The following CELSR3 variants were observed in gnomAD, a reference collection of about 807,000 sequenced individuals.
CELSR3 encodes the protein EGF-like protein 1.
In CELSR3, 73 loss-of-function variants were observed where a neutral mutation model predicts 270.0. That is an observed-to-expected ratio of 0.27 (90% CI 0.22 to 0.33). The LOEUF (loss-of-function observed/expected upper bound fraction) is 0.33. Among genes scored for constraint, CELSR3 ranks in the 10% least tolerant of loss-of-function variants. The pLI, the probability that CELSR3 is intolerant of heterozygous loss-of-function variation, is 1.00. For missense variants in CELSR3, 3,614 were observed against 4,533.8 expected (o/e 0.80, Z 5.83); for synonymous variants, 1,780 against 1,905.4 (o/e 0.93, Z 1.71).
At position 48,645,423 on chromosome 3, in the gene CELSR3, C is replaced by A; in HGVS notation, c.7797+20G>T. Reference sequence around the variant, plus strand: ...CAGTAGGGTCATCAGGACACAAGTTCCCTGGCCCTGATCCTGCACCTGATT... The same window carrying A: ...CAGTAGGGTCATCAGGACACAAGTTACCTGGCCCTGATCCTGCACCTGATT... On this transcript the variant is annotated intron_variant, in intron 24 of 34. Transcript: ENST00000164024. The surrounding 1 kb of genome is among the most constrained non-coding windows in gnomAD (Gnocchi z 5.4). 6.2e-7 allele frequency: 1 copy of A among 1,612,746 alleles called. No homozygotes were observed. Among genetic ancestry groups the A allele is most frequent in the Non-Finnish European group, 8.5e-7 (1 of 1,179,874 alleles).
chr3:48,644,965 G>C lies in CELSR3; in HGVS notation c.7972+70C>G, dbSNP rs2047065632. On this transcript the variant is annotated intron_variant, in intron 25 of 34. Coordinates refer to ENST00000164024, the MANE Select transcript of CELSR3 (RefSeq NM_001407.3). The surrounding 1 kb of genome is among the most constrained non-coding windows in gnomAD (Gnocchi z 4.8). ...CTTGGGGTTTGAGGTTGGGGGTCAT[G>C]AGCAGGAGTGGGGACAGGGTCAGGG... 3.2e-6 allele frequency: 5 copies of C among 1,544,062 alleles called. No individual in the cohort carries two copies. The South Asian group carries it at 6.0e-5, about 19-fold the overall frequency.
chr3:48,648,892 T>C lies in CELSR3; in HGVS notation c.6604A>G (p.Thr2202Ala). Reference protein sequence around the residue: ...GLELNKTALDTMEAKKLAQRL... With the variant: ...GLELNKTALDAMEAKKLAQRL... Reference sequence around the variant, plus strand: ...TGAGCCAGCTTCTTGGCCTCCATGGTATCCAGTGCCGTCTTGTTCAGCTCT... The same window carrying C: ...TGAGCCAGCTTCTTGGCCTCCATGGCATCCAGTGCCGTCTTGTTCAGCTCT... The change falls in exon 18 of 35, where the codon ACC (threonine) becomes GCC (alanine). Residue 2202 changes from threonine (T) to alanine (A), a missense_variant. Physicochemically the swap from Thr to Ala is moderately conservative, Grantham distance 58. Around this residue, in one of 7 missense-constraint regions of CELSR3, gnomAD observed 1,331 missense variants for 1,933.7 expected, o/e 0.69. Coordinates refer to ENST00000164024, the MANE Select transcript of CELSR3 (RefSeq NM_001407.3). 6.2e-7 allele frequency: 1 copy of C among 1,612,866 alleles called. No individual in the cohort carries two copies. The highest frequency in any genetic ancestry group is 1.3e-5 in the African/African-American group (1 of 75,064).
Position 48,644,672 on chromosome 3 carries a change from G to T in CELSR3, c.8085+44C>A. On this transcript the variant is annotated intron_variant, in intron 26 of 34. Coordinates refer to ENST00000164024, the MANE Select transcript of CELSR3 (RefSeq NM_001407.3). This position sits in a 1 kb window ranked among gnomAD's most constrained non-coding sequence, Gnocchi z 4.8. ...AGTCCACTGCACCTCCTCCCCCAAT[G>T]AGGGAGGGAAGTACAGAGGGGGCAC... The T allele has an allele frequency of 6.7e-7, 1 of 1,483,478 alleles. No individual in the cohort carries two copies. The highest frequency in any genetic ancestry group is 1.1e-5 in the South Asian group (1 of 88,016). The allele number at this position is 1,483,478 out of a possible 1,614,324, so 91.9% of individuals were successfully genotyped here.
chr3:48,651,117 G>T lies in CELSR3; in HGVS notation c.6187-42C>A. 6.6e-7 allele frequency: 1 copy of T among 1,526,496 alleles called. No homozygotes were observed. Among genetic ancestry groups the T allele is most frequent in the Non-Finnish European group, 8.8e-7 (1 of 1,133,634 alleles). 94.6% of individuals were successfully genotyped at this position (1,526,496 alleles called of 1,614,324 possible). A position where few individuals can be genotyped will look rare whatever the true frequency, so the allele number is the denominator to read the frequency against. ...CAGGGGCCTGAAGTCAGAGGTCAGG[G>T]CTTGGGGAATGAGTGGAATCAAGGA... is the stretch of plus-strand genomic sequence containing the variant. On this transcript the variant is annotated intron_variant, in intron 14 of 34. Transcript: ENST00000164024. The surrounding 1 kb of genome is among the most constrained non-coding windows in gnomAD (Gnocchi z 7.4).
chr3:48,650,671 C>A lies in CELSR3; in HGVS notation c.6371-90G>T. ...TGCCCCTCCACCACCCCCCACAAGG[C>A]CCACTGCCCGCCACTCCTGCTGGCT... On this transcript the variant is annotated intron_variant, in intron 15 of 34. Coordinates refer to ENST00000164024, the MANE Select transcript of CELSR3 (RefSeq NM_001407.3). The surrounding 1 kb of genome is among the most constrained non-coding windows in gnomAD (Gnocchi z 5.1). 1 of 1,153,448 alleles carries A rather than the reference C, an allele frequency of 8.7e-7. No homozygotes were observed. Among genetic ancestry groups the A allele is most frequent in the Non-Finnish European group, 1.2e-6 (1 of 815,644 alleles). 71.5% of individuals were successfully genotyped at this position (1,153,448 alleles called of 1,614,324 possible).
Position 48,642,881 on chromosome 3 carries a change from G to A in CELSR3, c.8410C>T (p.Pro2804Ser). 2.5e-6 allele frequency: 4 copies of A among 1,613,060 alleles called. No homozygotes were observed. Among genetic ancestry groups the A allele is most frequent in the Admixed American group, 1.7e-5 (1 of 60,016 alleles). Reference protein sequence around the residue: ...EEARPAPGLGPGAYNNTALFE... With the variant: ...EEARPAPGLGSGAYNNTALFE... ...AGAGCCGTGTTGTTGTAGGCCCCAG[G>A]TCCCTGGGGGTGGTAGGGACAGAGT... is the stretch of plus-strand genomic sequence containing the variant. Residue 2804 changes from proline to serine, a missense_variant, in exon 30 of 35, where the codon CCT (proline) becomes TCT (serine). Transcript: ENST00000164024. The surrounding 1 kb of genome is among the most constrained non-coding windows in gnomAD (Gnocchi z 6.1).
chr3:48,643,499 C>A (rs1195577080), intron 28 of CELSR3, 55 bp downstream of exon 28: 4 of 1,534,410 alleles, frequency 2.6e-6, no homozygotes, highest in Non-Finnish European at 2.6e-6. Flanking sequence ...AGGGATGGCC[C>A]CAGCCTACTG....
At chr3:48,649,303 A>T (rs960940353) in intron 16 of CELSR3, 88 bp from the exon 17 acceptor site, 1 of 1,084,380 alleles carries the variant, frequency 9.2e-7, no homozygotes, top group South Asian at 1.4e-5. Flanking sequence ...TGCTGGGGGA[A>T]TCCCTGAGGC....
Position 48,640,811 on chromosome 3 carries a change from A to C in CELSR3, c.9026-252T>G. 1 of 554,426 alleles carries C rather than the reference A, an allele frequency of 1.8e-6. No homozygotes were observed. Among genetic ancestry groups the C allele is most frequent in the Non-Finnish European group, 3.2e-6 (1 of 312,926 alleles). The allele number at this position is 554,426 out of a possible 1,614,324, so 34.3% of individuals were successfully genotyped here. A position where few individuals can be genotyped will look rare whatever the true frequency, so the allele number is the denominator to read the frequency against. ...GGAGGGCGGGCAGGTCTCATGGTGC[A>C]GGGGATGGGGCAAACTCCCTGAGGT... On this transcript the variant is annotated intron_variant, in intron 33 of 34. Transcript: ENST00000164024. The surrounding 1 kb of genome is among the most constrained non-coding windows in gnomAD (Gnocchi z 7.5).
rs2047135805 is a variant in CELSR3 at position 48,651,375 on chromosome 3, C to G, written c.6170G>C (p.Gly2057Ala). Residue 2057 changes from glycine (G) to alanine (A), a missense_variant, in exon 14 of 35, where the codon GGG becomes GCG. Physicochemically the swap from Gly to Ala is moderately conservative, Grantham distance 60. Coordinates refer to ENST00000164024, the MANE Select transcript of CELSR3 (RefSeq NM_001407.3). This position sits in a 1 kb window ranked among gnomAD's most constrained non-coding sequence, Gnocchi z 7.4. ...CAGGCGCACCTTGCAGTGACACTGC[C>G]CATTTGTCTTGTTGCAGTTGGGATC... is the stretch of plus-strand genomic sequence containing the variant. Reference protein sequence around the residue: ...GFDPNCNKTNGQCHCKEFHYR... With the variant: ...GFDPNCNKTNAQCHCKEFHYR... 1 of 1,614,022 alleles carries G rather than the reference C, an allele frequency of 6.2e-7. No individual in the cohort carries two copies. Among genetic ancestry groups the G allele is most frequent in the Non-Finnish European group, 8.5e-7 (1 of 1,179,948 alleles).
Position 48,659,470 on chromosome 3 carries a change from C to T in CELSR3, c.3165G>A (p.Val1055=). The part of the protein sequence containing the change: ...PPLRTPVSIQ[V]MVQDVNDNAP... ...CATTGTCGTTCACATCCTGCACCAT[C>T]ACCTGGATACTGACTGGAGTCCGGA... The change falls in exon 1 of 35, where the codon GTG becomes GTA. Residue 1055 remains valine, a synonymous_variant. Coordinates refer to ENST00000164024, the MANE Select transcript of CELSR3 (RefSeq NM_001407.3). This position sits in a 1 kb window ranked among gnomAD's most constrained non-coding sequence, Gnocchi z 8.1. 1 of 1,614,236 alleles carries T rather than the reference C, an allele frequency of 6.2e-7. No individual in the cohort carries two copies. Among genetic ancestry groups the T allele is most frequent in the East Asian group, 2.2e-5 (1 of 44,890 alleles).
Position 48,654,533 on chromosome 3 carries a change from G to A in CELSR3, c.4989-81C>T, listed in dbSNP as rs1448096970. On this transcript the variant is annotated intron_variant, in intron 6 of 34. Transcript: ENST00000164024. The surrounding 1 kb of genome is among the most constrained non-coding windows in gnomAD (Gnocchi z 5.4). The stretch of plus-strand genomic sequence containing the variant: ...CTGGGGGGCCACAGGAAGCAGGGGG[G>A]TAGGACCCAGAGGGTAGGGTGATTG... 1.8e-5 allele frequency: 22 copies of A among 1,229,154 alleles called. No individual in the cohort carries two copies. The highest frequency in any genetic ancestry group is 2.5e-5 in the Non-Finnish European group (22 of 881,332). The allele number at this position is 1,229,154 out of a possible 1,614,324, so 76.1% of individuals were successfully genotyped here.
In CELSR3 at chr3:48,642,820, C is replaced by T. The variant is rs764469601; in HGVS notation, c.8471G>A (p.Gly2824Asp). ...EESGLIRITL[G>D]ASTVSSVSSA... is the part of the protein sequence containing the mutation. ...GCTCACAGAGGAGACGGTGGAGGCG[C>T]CCAGAGTGATGCGGATGAGGCCACT... The change falls in exon 30 of 35, where the codon GGC becomes GAC. Residue 2824 changes from glycine (G) to aspartate (D), a missense_variant. Physicochemically the swap from Gly to Asp is moderately conservative, Grantham distance 94. Coordinates refer to ENST00000164024, the MANE Select transcript of CELSR3 (RefSeq NM_001407.3). This position sits in a 1 kb window ranked among gnomAD's most constrained non-coding sequence, Gnocchi z 6.1. 1 of 1,613,160 alleles carries T rather than the reference C, an allele frequency of 6.2e-7. No homozygotes were observed. Among genetic ancestry groups the T allele is most frequent in the African/African-American group, 1.3e-5 (1 of 75,044 alleles).
chr3:48,650,701 A>T lies in CELSR3; in HGVS notation c.6371-120T>A. The T allele has an allele frequency of 9.6e-7, 1 of 1,045,318 alleles. No individual in the cohort carries two copies. Among genetic ancestry groups the T allele is most frequent in the Non-Finnish European group, 1.4e-6 (1 of 721,864 alleles). The allele number at this position is 1,045,318 out of a possible 1,614,324, so 64.8% of individuals were successfully genotyped here. On this transcript the variant is annotated intron_variant, in intron 15 of 34. Coordinates refer to ENST00000164024, the MANE Select transcript of CELSR3 (RefSeq NM_001407.3). The surrounding 1 kb of genome is among the most constrained non-coding windows in gnomAD (Gnocchi z 5.1). ...TGCCCGCCACTCCTGCTGGCTTCTC[A>T]GGAGCTGACCTGTCAGATTCTGTGA...
At position 48,646,816 on chromosome 3, in the gene CELSR3, G is replaced by T. The variant is rs777083096; in HGVS notation, c.7242C>A (p.Arg2414=). The T allele has an allele frequency of 6.2e-7, 1 of 1,607,790 alleles. No individual in the cohort carries two copies. The highest frequency in any genetic ancestry group is 8.5e-7 in the Non-Finnish European group (1 of 1,178,002). The change falls in exon 21 of 35, where the codon CGC becomes CGA. Residue 2414 remains arginine, a synonymous_variant. Coordinates refer to ENST00000164024, the MANE Select transcript of CELSR3 (RefSeq NM_001407.3). This position sits in a 1 kb window ranked among gnomAD's most constrained non-coding sequence, Gnocchi z 4.8. ...GISIIILLVY[R]TLGGLLPAQF... is the part of the protein sequence containing the mutation. ...GGGCAGGGAGCAGTCCCCCTAAGGT[G>T]CGGTAAACGAGGAGAATGATAATGG...
Position 48,661,368 on chromosome 3 carries a change from C to T in CELSR3, c.1267G>A (p.Val423Ile), listed in dbSNP as rs2077065029. 6.2e-7 allele frequency: 1 copy of T among 1,612,664 alleles called. No homozygotes were observed. Among genetic ancestry groups the T allele is most frequent in the Non-Finnish European group, 8.5e-7 (1 of 1,179,840 alleles). ...GGCGAGTGGTCGTTGCGGTCGGCTA[C>T]TGTCACGGCCACCATCGTGGTGGCC... Reference protein sequence around the residue: ...LSATTMVAVTVADRNDHSPVF... With the variant: ...LSATTMVAVTIADRNDHSPVF... The change falls in exon 1 of 35, where the codon GTA (valine) becomes ATA (isoleucine). Residue 423 changes from valine to isoleucine, a missense_variant. This residue lies in a region of CELSR3 where 354 missense variants were observed against 500.9 expected (regional missense o/e 0.71). Transcript: ENST00000164024.
In CELSR3 at chr3:48,645,345, ACCTGAGCATC is replaced by A; in HGVS notation, c.7797+88_7797+97del. 6.4e-7 allele frequency: 1 copy of A among 1,567,686 alleles called. No individual in the cohort carries two copies. Among genetic ancestry groups the A allele is most frequent in the Non-Finnish European group, 8.7e-7 (1 of 1,144,334 alleles). On this transcript the variant is annotated intron_variant, in intron 24 of 34. Coordinates refer to ENST00000164024, the MANE Select transcript of CELSR3 (RefSeq NM_001407.3). The surrounding 1 kb of genome is among the most constrained non-coding windows in gnomAD (Gnocchi z 5.4). ...CATCCTGCTGAAAACCCTGGCCCCAACCTGAGCATCCCTGACCTCTGACCCTGAGTTTTGG... is the reference window on the plus strand; with the variant it reads ...CATCCTGCTGAAAACCCTGGCCCCAACCTGACCTCTGACCCTGAGTTTTGG...
rs1177456963 is a variant in CELSR3 at position 48,640,815 on chromosome 3, G to A, written c.9026-256C>T. On this transcript the variant is annotated intron_variant, in intron 33 of 34. Coordinates refer to ENST00000164024, the MANE Select transcript of CELSR3 (RefSeq NM_001407.3). The surrounding 1 kb of genome is among the most constrained non-coding windows in gnomAD (Gnocchi z 7.5). ...GGCGGGCAGGTCTCATGGTGCAGGGGATGGGGCAAACTCCCTGAGGTCAGA... is the reference window on the plus strand; with the variant it reads ...GGCGGGCAGGTCTCATGGTGCAGGGAATGGGGCAAACTCCCTGAGGTCAGA... 3.6e-6 allele frequency: 2 copies of A among 556,334 alleles called. No homozygotes were observed. The highest frequency in any genetic ancestry group is 6.0e-5 in the East Asian group (2 of 33,360). 34.5% of individuals were successfully genotyped at this position (556,334 alleles called of 1,614,324 possible). A position where few individuals can be genotyped will look rare whatever the true frequency, so the allele number is the denominator to read the frequency against.
rs2046988767 is a variant in CELSR3 at position 48,638,085 on chromosome 3, G to A, written c.*120C>T. The A allele has an allele frequency of 1.2e-6, 1 of 809,268 alleles. No individual in the cohort carries two copies. Among genetic ancestry groups the A allele is most frequent in the South Asian group, 1.4e-5 (1 of 69,148 alleles). The allele number at this position is 809,268 out of a possible 1,614,324, so 50.1% of individuals were successfully genotyped here. A position where few individuals can be genotyped will look rare whatever the true frequency, so the allele number is the denominator to read the frequency against. ...AGCCCTGCCACACCAGGTAGAGCTGGGGCACCCACCACTGGGGAGCAGGAG... is the reference window on the plus strand; with the variant it reads ...AGCCCTGCCACACCAGGTAGAGCTGAGGCACCCACCACTGGGGAGCAGGAG... On this transcript the variant is annotated 3_prime_UTR_variant, in exon 35 of 35. Transcript: ENST00000164024.
Sources: allele counts gnomAD v4.1 joint callset, GRCh38; gene constraint gnomAD v4.1.1; regional missense constraint gnomAD v4.1.1; non-coding constraint Gnocchi (gnomAD v3.1); transcripts MANE v1.5; gene names NCBI Gene and HGNC (gene_info 2026-07-23, HGNC 2026-07-21).